The following LRP1B variants were observed in gnomAD, a reference collection of about 807,000 sequenced individuals.
The protein encoded by LRP1B is low-density lipoprotein receptor-related protein 1B.
In LRP1B, 217 loss-of-function variants were observed where a neutral mutation model predicts 556.6. The observed-to-expected ratio is 0.39, with a 90% CI of 0.35 to 0.44. LRP1B has a LOEUF of 0.44. Ranked by LOEUF, LRP1B falls within the 20% of genes least tolerant of loss-of-function variation. The pLI is 1.00. For missense variants in LRP1B, 5,053 were observed against 5,620.8 expected (o/e 0.90, Z 3.23); for synonymous variants, 2,047 against 1,865.8 (o/e 1.10, Z -2.50).
At chr2:141,940,937 T>C (rs1700779835) in intron 1 of LRP1B, among the ~76,000 whole-genome samples, 1 of 152,194 alleles carries the variant, frequency 6.6e-6, no homozygotes, top group South Asian at 2.1e-4. Context: ...AGTGACAATG[T>C]AATAGCCTTT....
chr2:140,321,340 A>G (rs1680112086), intron 82 of LRP1B, among the ~76,000 whole-genome samples: 1 of 151,210 alleles, frequency 6.6e-6, no homozygotes, highest in African/African-American at 2.4e-5. Context: ...TGCATGAATG[A>G]AAAAAATCTT....
chr2:141,032,809 G>A (rs1287730409), intron 11 of LRP1B, among the ~76,000 whole-genome samples: 2 of 81,524 alleles, frequency 2.5e-5, no homozygotes, highest in Admixed American at 2.3e-4. Flanking sequence ...ATATGTGTGT[G>A]TGTATATATA....
At chr2:141,739,141 T>C (rs989820906) in intron 2 of LRP1B, among the ~76,000 whole-genome samples, 1 of 152,056 alleles carries the variant, frequency 6.6e-6, no homozygotes, top group Admixed American at 6.6e-5. Context: ...AGGGGAAGAT[T>C]AAATTAACCT....
chr2:141,454,559 G>A (rs1002306285), intron 3 of LRP1B, among the ~76,000 whole-genome samples: 6 of 84,446 alleles, frequency 7.1e-5, no homozygotes, highest in East Asian at 3.0e-4. Flanking sequence ...TCTTTTAACC[G>A]AACAAATGAA....
At chr2:140,888,757 A>ACAGGT (rs1396019933) in intron 23 of LRP1B, among the ~76,000 whole-genome samples, 3 of 151,962 alleles carry the variant, frequency 2.0e-5, no homozygotes, top group African/African-American at 7.2e-5. Context: ...TGAGGTCAGG[A>ACAGGT]GTTTGAGACC....
chr2:140,270,612 G>GA (rs1440584545), intron 85 of LRP1B, among the ~76,000 whole-genome samples: 7 of 151,832 alleles, frequency 4.6e-5, no homozygotes, highest in Non-Finnish European at 7.4e-5. Context: ...ATATATGTGT[G>GA]AAAAAATATA....
intron 2 of LRP1B, among the ~76,000 whole-genome samples, chr2:141,710,034 G>A (rs1692301310): frequency 6.6e-6 from 1 of 151,876 alleles, no homozygotes; most frequent in Non-Finnish European, 1.5e-5. Flanking sequence ...CCATTATAAG[G>A]GCTCCACTCT....
intron 32 of LRP1B, among the ~76,000 whole-genome samples, chr2:140,782,278 A>C (rs1042701742): frequency 6.6e-6 from 1 of 152,204 alleles, no homozygotes; most frequent in Non-Finnish European, 1.5e-5. Flanking sequence ...AAGTCCCAGT[A>C]CTTCAGACTG....
chr2:141,451,690 C>A (rs1681427609), intron 3 of LRP1B, among the ~76,000 whole-genome samples: 1 of 152,096 alleles, frequency 6.6e-6, no homozygotes, highest in African/African-American at 2.4e-5. Flanking sequence ...TTGAGAATTT[C>A]AATCCTTTTC....
At chr2:140,240,914 T>C (rs1680921101) in intron 87 of LRP1B, among the ~76,000 whole-genome samples, 1 of 150,970 alleles carries the variant, frequency 6.6e-6, no homozygotes, top group Admixed American at 6.6e-5. Context: ...AAGGGCTTTA[T>C]AGCCAGAGGA....
At chr2:142,018,141 C>T (rs533329909) in intron 1 of LRP1B, among the ~76,000 whole-genome samples, 2 of 152,052 alleles carry the variant, frequency 1.3e-5, no homozygotes, top group Non-Finnish European at 2.9e-5. Context: ...AATGAGTTAT[C>T]AACTAGTATT....
chr2:140,689,466 A>T (rs1686162819), intron 41 of LRP1B, among the ~76,000 whole-genome samples: 2 of 152,188 alleles, frequency 1.3e-5, no homozygotes, highest in Non-Finnish European at 2.9e-5. Flanking sequence ...GGGGCTGCCC[A>T]ATTTGTGAAT....
chr2:142,047,798 G>A (rs1704312433), intron 1 of LRP1B, among the ~76,000 whole-genome samples: 1 of 151,974 alleles, frequency 6.6e-6, no homozygotes, highest in Admixed American at 6.6e-5. Flanking sequence ...TGCTTCAGAG[G>A]ATCCAGGACA....
intron 3 of LRP1B, among the ~76,000 whole-genome samples, chr2:141,360,473 C>G (rs1688783086): frequency 6.6e-6 from 1 of 152,158 alleles, no homozygotes; most frequent in Non-Finnish European, 1.5e-5. Context: ...TGACTGTCAC[C>G]AAATTGATAT....
intron 3 of LRP1B, among the ~76,000 whole-genome samples, chr2:141,415,172 G>A (rs557224726): frequency 8.2e-4 from 125 of 152,168 alleles, no homozygotes; most frequent in African/African-American, 2.9e-3. Context: ...CCGCCACCAC[G>A]CCCAGCTAAT....
intron 2 of LRP1B, among the ~76,000 whole-genome samples, chr2:141,596,678 T>C (rs952355380): frequency 2.0e-5 from 3 of 152,010 alleles, no homozygotes; most frequent in Admixed American, 6.6e-5. Context: ...CTAACCCCTT[T>C]GGAGAATTTC....
intron 7 of LRP1B, among the ~76,000 whole-genome samples, chr2:141,088,570 G>A (rs1700102203): frequency 6.6e-6 from 1 of 152,062 alleles, no homozygotes; most frequent in African/African-American, 2.4e-5. Flanking sequence ...TTATGATACG[G>A]GTGAGGCACT....
chr2:141,823,355 G>C (rs78837745), intron 1 of LRP1B, among the ~76,000 whole-genome samples: 1 of 152,088 alleles, frequency 6.6e-6, no homozygotes. Context: ...GAACATGAAG[G>C]CCAGCACAGT....
intron 2 of LRP1B, among the ~76,000 whole-genome samples, chr2:141,498,747 G>T (rs1385912995): frequency 6.6e-6 from 1 of 152,030 alleles, no homozygotes; most frequent in Non-Finnish European, 1.5e-5. Context: ...ATGATGGAAA[G>T]AAACTACCTC....
Sources: gnomAD v4.1 joint callset for allele counts (sites outside exome capture counted in the v4.1 genomes callset) on GRCh38, gnomAD v4.1.1 for gene constraint, MANE v1.5 for transcripts, NCBI Gene and HGNC (gene_info 2026-07-23, HGNC 2026-07-21) for gene names.